BAALC: variants seen among roughly 807,000 people sequenced by gnomAD.
BAALC encodes the protein brain and acute leukemia cytoplasmic protein.
BAALC carries 9 observed loss-of-function variants against 15.5 expected under a neutral mutation model. The observed-to-expected ratio is 0.58, with a 90% CI of 0.35 to 1.02. The LOEUF (loss-of-function observed/expected upper bound fraction) is 1.02. Among genes scored for constraint, BAALC ranks in the 50% least tolerant of loss-of-function variants. The pLI, the probability that BAALC is intolerant of heterozygous loss-of-function variation, is 0.02. For synonymous variants in BAALC, 80 were observed against 74.6 expected (o/e 1.07, Z -0.37); for missense variants, 201 against 192.4 (o/e 1.04, Z -0.27).
intron 1 of BAALC, among the ~76,000 whole-genome samples, chr8:103,204,273 T>C (rs1812282202): frequency 2.0e-5 from 3 of 152,212 alleles, no homozygotes; most frequent in Admixed American, 6.5e-5. Flanking sequence ...ATCTGGATTA[T>C]TTATCTTTTT....
At chr8:103,222,864 T>C (rs539972525) in intron 2 of BAALC, among the ~76,000 whole-genome samples, 1 of 152,334 alleles carries the variant, frequency 6.6e-6, no homozygotes, top group East Asian at 1.9e-4. Context: ...ATCGTTTCAG[T>C]ATAATGAGGC....
At chr8:103,223,655 T>C (rs903185141) in intron 2 of BAALC, among the ~76,000 whole-genome samples, 65 of 152,196 alleles carry the variant, frequency 4.3e-4, no homozygotes, top group Non-Finnish European at 2.6e-4. Flanking sequence ...CTGTGGCTGT[T>C]ATAGGAATGA....
At chr8:103,179,796 A>G (rs1811685731) in intron 1 of BAALC, among the ~76,000 whole-genome samples, 1 of 152,214 alleles carries the variant, frequency 6.6e-6, no homozygotes, top group Non-Finnish European at 1.5e-5. Flanking sequence ...CTGGGGAGAT[A>G]AGGATGTAGG....
chr8:103,165,314 C>T (rs946094584), intron 1 of BAALC, among the ~76,000 whole-genome samples: 3 of 152,168 alleles, frequency 2.0e-5, no homozygotes, highest in Non-Finnish European at 2.9e-5. Flanking sequence ...GCAAGCGTTG[C>T]TAAACACTAA....
intron 1 of BAALC, among the ~76,000 whole-genome samples, chr8:103,207,965 G>C (rs761203550): frequency 2.4e-4 from 36 of 152,154 alleles, no homozygotes; most frequent in Admixed American, 1.8e-3. Flanking sequence ...TAACCCCTTG[G>C]GGTGTCCTCT....
intron 1 of BAALC, among the ~76,000 whole-genome samples, chr8:103,182,293 T>C (rs1335889171): frequency 1.3e-5 from 2 of 152,374 alleles, no homozygotes; most frequent in Admixed American, 6.5e-5. Context: ...TTTGAACATT[T>C]ACTCCCCTTT....
chr8:103,163,424 C>T (rs185265779), intron 1 of BAALC, among the ~76,000 whole-genome samples: 1 of 152,262 alleles, frequency 6.6e-6, no homozygotes, highest in East Asian at 1.9e-4. Flanking sequence ...AGCCAAGTTC[C>T]TCAAATTCAA....
intron 2 of BAALC, among the ~76,000 whole-genome samples, chr8:103,215,998 T>C (rs1812545079): frequency 6.6e-6 from 1 of 152,244 alleles, no homozygotes. Context: ...TCAGTTTGGT[T>C]TGAGACTTAT....
chr8:103,162,225 G>A (rs1811243121), intron 1 of BAALC, among the ~76,000 whole-genome samples: 1 of 151,994 alleles, frequency 6.6e-6, no homozygotes, highest in Non-Finnish European at 1.5e-5. Flanking sequence ...GCCTCCGGAA[G>A]TGTTGGGATT....
chr8:103,160,805 G>C (rs1811207583), intron 1 of BAALC, among the ~76,000 whole-genome samples: 1 of 152,114 alleles, frequency 6.6e-6, no homozygotes, highest in Non-Finnish European at 1.5e-5. Context: ...AAAGATGTAG[G>C]CTGGGAGGCT....
chr8:103,152,544 G>T (rs995729753), intron 1 of BAALC, among the ~76,000 whole-genome samples: 1 of 152,092 alleles, frequency 6.6e-6, no homozygotes, highest in African/African-American at 2.4e-5. Flanking sequence ...TGACTCTCTC[G>T]CTTCAAGAGG....
chr8:103,168,474 C>A (rs1811399309), intron 1 of BAALC, among the ~76,000 whole-genome samples: 3 of 149,610 alleles, frequency 2.0e-5, no homozygotes, highest in African/African-American at 7.4e-5. Context: ...CTTTCACAGA[C>A]AATATTTTAT....
At chr8:103,149,523 G>A (rs1306067687) in intron 1 of BAALC, among the ~76,000 whole-genome samples, 4 of 152,196 alleles carry the variant, frequency 2.6e-5, no homozygotes, top group Non-Finnish European at 5.9e-5. Context: ...CAGCATTTAG[G>A]TTTCATCTTT....
chr8:103,183,716 C>T (rs776674048), intron 1 of BAALC, among the ~76,000 whole-genome samples: 14 of 152,148 alleles, frequency 9.2e-5, no homozygotes, highest in Non-Finnish European at 1.8e-4. Flanking sequence ...CATACCTGCT[C>T]ATGAACCTAG....
At chr8:103,207,544 G>A (rs1368574849) in intron 1 of BAALC, among the ~76,000 whole-genome samples, 1 of 152,226 alleles carries the variant, frequency 6.6e-6, no homozygotes, top group Non-Finnish European at 1.5e-5. Flanking sequence ...GTCTGAAGTT[G>A]TCTTCAGTGA....
intron 2 of BAALC, among the ~76,000 whole-genome samples, chr8:103,218,091 A>G (rs1249013737): frequency 6.6e-6 from 1 of 152,186 alleles, no homozygotes; most frequent in Non-Finnish European, 1.5e-5. Flanking sequence ...CCAAAGGGTG[A>G]TGGGGCAACT....
intron 2 of BAALC, among the ~76,000 whole-genome samples, chr8:103,224,908 C>T (rs1812770106): frequency 6.6e-6 from 1 of 152,148 alleles, no homozygotes; most frequent in Non-Finnish European, 1.5e-5. Flanking sequence ...TAGGGCATGA[C>T]TCCCCAGACC....
chr8:103,219,437 T>A (rs1263744974), intron 2 of BAALC: 2 of 152,380 alleles, frequency 1.3e-5, no homozygotes, highest in Non-Finnish European at 2.9e-5. Context: ...GACTGTTCTG[T>A]GGTTGCCCAG....
chr8:103,217,392 G>A (rs531099186), intron 2 of BAALC, among the ~76,000 whole-genome samples: 1 of 152,306 alleles, frequency 6.6e-6, no homozygotes, highest in South Asian at 2.1e-4. Context: ...ACTCAGGCAG[G>A]CTCTCAACTG....
Sources: gnomAD v4.1 joint callset for allele counts (sites outside exome capture counted in the v4.1 genomes callset) on GRCh38, gnomAD v4.1.1 for gene constraint, MANE v1.5 for transcripts, NCBI Gene and HGNC (gene_info 2026-07-23, HGNC 2026-07-21) for gene names.